ZFAT: variants seen among roughly 807,000 people sequenced by gnomAD.
ZFAT encodes the protein zinc finger and AT-hook domain containing, also known as zinc finger protein ZFAT.
In ZFAT, 64 loss-of-function variants were observed where a neutral mutation model predicts 117.7. The observed-to-expected ratio is 0.54, with a 90% confidence interval of 0.44 to 0.67. ZFAT has a LOEUF of 0.67. Ranked by LOEUF, ZFAT falls within the 30% of genes least tolerant of loss-of-function variation. The probability of loss-of-function intolerance (pLI) is 0.00; values close to 1 mark genes in which losing one functional copy is unlikely to be tolerated. For missense variants in ZFAT, 1,433 were observed against 1,584.5 expected (o/e 0.90, Z 1.62); for synonymous variants, 679 against 615.0 (o/e 1.10, Z -1.54).
chr8:134,652,230 G>A (rs1831287277), intron 2 of ZFAT, among the ~76,000 whole-genome samples: 1 of 152,188 alleles, frequency 6.6e-6, no homozygotes, highest in African/African-American at 2.4e-5. Flanking sequence ...TCGTGCCACT[G>A]CACTCCAGCC....
intron 3 of ZFAT, among the ~76,000 whole-genome samples, chr8:134,625,290 G>A (rs559932710): frequency 2.6e-5 from 4 of 152,310 alleles, no homozygotes; most frequent in South Asian, 2.1e-4. Context: ...CACCCATGGC[G>A]GCCTTACATA....
intron 1 of ZFAT, among the ~76,000 whole-genome samples, chr8:134,690,233 C>CA (rs1300797179): frequency 6.6e-6 from 1 of 152,158 alleles, no homozygotes; most frequent in Non-Finnish European, 1.5e-5. Context: ...AGGCTTCCAC[C>CA]ACCCCCAAAC....
At chr8:134,782,859 T>G in the ZFAT span, among the ~76,000 whole-genome samples, 1 of 152,244 alleles carries the variant, frequency 6.6e-6, no homozygotes, top group South Asian at 2.1e-4. Context: ...ACCCTGCATC[T>G]CTTTTTAAGA....
intron 1 of ZFAT, among the ~76,000 whole-genome samples, chr8:134,688,482 G>C (rs1193535334): frequency 3.3e-5 from 5 of 152,150 alleles, no homozygotes; most frequent in Non-Finnish European, 7.3e-5. Context: ...GACAGAAAGT[G>C]GAAATCAGGG....
At chr8:134,706,673 C>T (rs915251143) in intron 1 of ZFAT, among the ~76,000 whole-genome samples, 1 of 151,982 alleles carries the variant, frequency 6.6e-6, no homozygotes, top group African/African-American at 2.4e-5. Context: ...TCCTGGGCAA[C>T]AAGAGCAAGA....
chr8:134,672,067 AAGG>A (rs1356380738), intron 1 of ZFAT, among the ~76,000 whole-genome samples: 2 of 152,284 alleles, frequency 1.3e-5, no homozygotes, highest in African/African-American at 2.4e-5. Context: ...GGACCTCTTC[AAGG>A]AGAACTACAA....
At chr8:134,784,920 AGTC>A in the ZFAT span, 1 of 152,190 alleles carries the variant, frequency 6.6e-6, no homozygotes, top group Non-Finnish European at 1.5e-5. Context: ...AAAGCAATTC[AGTC>A]TTCTCCCAGC....
chr8:134,727,376 C>T, the ZFAT span, among the ~76,000 whole-genome samples: 3 of 152,064 alleles, frequency 2.0e-5, no homozygotes, highest in Admixed American at 1.3e-4. Flanking sequence ...AGGAGAAGAA[C>T]GGCTGTGGGG....
chr8:134,582,129 A>G (rs536078584), intron 10 of ZFAT, among the ~76,000 whole-genome samples: 2 of 152,370 alleles, frequency 1.3e-5, no homozygotes, highest in South Asian at 2.1e-4. Context: ...CGAAGAACTC[A>G]GAGAATCATG....
chr8:134,616,712 C>A (rs1014117621), intron 3 of ZFAT, among the ~76,000 whole-genome samples: 5 of 152,194 alleles, frequency 3.3e-5, no homozygotes, highest in Non-Finnish European at 7.3e-5. Context: ...TGCATTCAGT[C>A]ATGCCGTGAG....
chr8:134,574,615 C>T (rs915474109), intron 10 of ZFAT, among the ~76,000 whole-genome samples: 8 of 151,944 alleles, frequency 5.3e-5, no homozygotes, highest in African/African-American at 1.2e-4. Context: ...CAGAGAGAGA[C>T]GGCAATGAAA....
At position 134,630,829 on chromosome 8, in the gene ZFAT, G is replaced by A. The variant is rs759718657; in HGVS notation, c.448+6632C>T. Among the ~76,000 whole-genome samples the A allele has an allele frequency of 7.9e-5, 12 of 152,170 alleles. No individual in the cohort carries two copies. The South Asian group carries it at 1.4e-3, about 18-fold the overall frequency. ...TTGCCATGGTTCAGGGTAAGAAAAAGTTTATTTTGTTTTCTTCTAATTGTT... is the reference window on the plus strand; with the variant it reads ...TTGCCATGGTTCAGGGTAAGAAAAAATTTATTTTGTTTTCTTCTAATTGTT... On this transcript the variant is annotated intron_variant, in intron 3 of 15. Transcript: ENST00000377838.
At chr8:134,554,052 T>C (rs961619445) in intron 11 of ZFAT, among the ~76,000 whole-genome samples, 1 of 152,214 alleles carries the variant, frequency 6.6e-6, no homozygotes, top group Admixed American at 6.5e-5. Flanking sequence ...GCATTGATAA[T>C]ACCCTTGCAT....
chr8:134,506,611 C>T (rs532534075), intron 15 of ZFAT, among the ~76,000 whole-genome samples: 4 of 152,268 alleles, frequency 2.6e-5, no homozygotes, highest in Non-Finnish European at 5.9e-5. Context: ...AGCTGAAAAC[C>T]CCAGAAGACT....
At chr8:134,810,941 G>C in the ZFAT span, among the ~76,000 whole-genome samples, 2 of 151,830 alleles carry the variant, frequency 1.3e-5, no homozygotes, top group South Asian at 4.2e-4. Flanking sequence ...ACATGGGGGG[G>C]AAATCAGTAA....
At chr8:134,620,447 T>A (rs1410702926) in intron 3 of ZFAT, among the ~76,000 whole-genome samples, 1 of 152,196 alleles carries the variant, frequency 6.6e-6, no homozygotes, top group African/African-American at 2.4e-5. Context: ...TGGCCTGGCA[T>A]CCAGGCCCAG....
chr8:134,778,592 C>T, the ZFAT span, among the ~76,000 whole-genome samples: 1 of 152,122 alleles, frequency 6.6e-6, no homozygotes, highest in Non-Finnish European at 1.5e-5. Flanking sequence ...GCACATGTTC[C>T]AAAAAGAACA....
chr8:134,825,817 A>G, the ZFAT span, among the ~76,000 whole-genome samples: 24 of 152,240 alleles, frequency 1.6e-4, no homozygotes, highest in Admixed American at 9.2e-4. Context: ...TCAGGAGATC[A>G]AGACTATCCT....
At chr8:134,590,552 C>T (rs1826393947) in intron 7 of ZFAT, among the ~76,000 whole-genome samples, 197 bp from the exon 8 acceptor site, 1 of 102,052 alleles carries the variant, frequency 9.8e-6, no homozygotes, top group African/African-American at 3.5e-5. Context: ...CAACAGTCAT[C>T]ACCACCATCA....
Sources: gnomAD v4.1 joint callset for allele counts (sites outside exome capture counted in the v4.1 genomes callset) on GRCh38, gnomAD v4.1.1 for gene constraint, MANE v1.5 for transcripts, NCBI Gene and HGNC (gene_info 2026-07-23, HGNC 2026-07-21) for gene names.